EIF5B: variants seen among roughly 807,000 people sequenced by gnomAD.
EIF5B encodes eukaryotic translation initiation factor 5B, also known as eIF-5B.
EIF5B carries 47 observed loss-of-function variants against 147.5 expected under a neutral mutation model. The observed-to-expected ratio is 0.32, with a 90% CI of 0.25 to 0.41. The LOEUF is 0.41. Among genes scored for constraint, EIF5B ranks in the 10% least tolerant of loss-of-function variants. The pLI, the probability that EIF5B is intolerant of heterozygous loss-of-function variation, is 1.00. For synonymous variants in EIF5B, 455 were observed against 456.2 expected, an observed-to-expected ratio of 1.00 and a Z score of 0.03; for missense variants, 1,064 against 1,413.2, an observed-to-expected ratio of 0.75 and a Z score of 3.96.
intron 14 of EIF5B, among the ~76,000 whole-genome samples, chr2:99,384,299 T>G (rs1181893781): frequency 6.6e-6 from 1 of 151,374 alleles, no homozygotes; most frequent in Non-Finnish European, 1.5e-5. Flanking sequence ...GCTGAATATT[T>G]TAAGCCCATT....
At position 99,400,115 on chromosome 2, in the gene EIF5B, A is replaced by G. The variant is rs768692862; in HGVS notation, c.*701A>G. On this transcript the variant is annotated 3_prime_UTR_variant, in exon 24 of 24. Transcript: ENST00000289371. ...ATGTTAGTGTAGCTTCTCTCCCACA[A>G]GTTGTCCTCCTAGGACAAGAATTAT... 2.0e-5 allele frequency: 3 copies of G among 152,248 alleles called. No homozygotes were observed. The highest frequency in any genetic ancestry group is 4.8e-5 in the African/African-American group (2 of 41,454). 9.4% of individuals were successfully genotyped at this position (152,248 alleles called of 1,614,324 possible).
intron 1 of EIF5B, among the ~76,000 whole-genome samples, chr2:99,347,883 G>A (rs548679094): frequency 6.6e-6 from 1 of 152,114 alleles, no homozygotes; most frequent in Non-Finnish European, 1.5e-5. Flanking sequence ...CTGTGATAAA[G>A]TGGCTGTCTG....
intron 10 of EIF5B, 118 bp from the exon 11 acceptor site, chr2:99,378,901 C>A: frequency 4.1e-6 from 3 of 725,574 alleles, no homozygotes; most frequent in Non-Finnish European, 6.3e-6. Context: ...GTAGTCAAAT[C>A]AACAAAGAAC....
chr2:99,385,900 A>G (rs983167648), intron 14 of EIF5B, among the ~76,000 whole-genome samples: 1 of 152,150 alleles, frequency 6.6e-6, no homozygotes, highest in African/African-American at 2.4e-5. Context: ...CCTAAACTCA[A>G]GCTAGTATTG....
chr2:99,385,408 T>C (rs114540389), intron 14 of EIF5B, among the ~76,000 whole-genome samples: 1,966 of 152,296 alleles, frequency 0.013, 44 homozygotes, highest in African/African-American at 0.045. Flanking sequence ...GCTGTCTCTT[T>C]TAAGAAATTG....
At chr2:99,362,076 T>G (rs1222572256) in intron 4 of EIF5B, among the ~76,000 whole-genome samples, 3 of 152,248 alleles carry the variant, frequency 2.0e-5, no homozygotes, top group Non-Finnish European at 4.4e-5. Context: ...GAAAACTATT[T>G]TTTTTGCTGT....
At position 99,399,512 on chromosome 2, in the gene EIF5B, T is replaced by A; in HGVS notation, c.*98T>A. On this transcript the variant is annotated 3_prime_UTR_variant, in exon 24 of 24. Coordinates refer to ENST00000289371, the MANE Select transcript of EIF5B (RefSeq NM_015904.4). ...AAATGGAACAGACGTATTTGGACAC[T>A]GATGGACTTAAGTATGGAAGGAAGA... The A allele has an allele frequency of 9.0e-7, 1 of 1,106,400 alleles. No homozygotes were observed. Among genetic ancestry groups the A allele is most frequent in the Non-Finnish European group, 1.3e-6 (1 of 751,844 alleles). 68.5% of individuals were successfully genotyped at this position (1,106,400 alleles called of 1,614,324 possible). A position where few individuals can be genotyped will look rare whatever the true frequency, so the allele number is the denominator to read the frequency against.
chr2:99,389,027 C>T (rs1360117795), intron 14 of EIF5B, among the ~76,000 whole-genome samples: 1 of 152,090 alleles, frequency 6.6e-6, no homozygotes, highest in African/African-American at 2.4e-5. Flanking sequence ...AGGTGTTGAG[C>T]ATGTTTATAA....
rs1328579006 is a variant in EIF5B at position 99,394,677 on chromosome 2, TG to T, written c.3090-41del. The T allele has an allele frequency of 2.5e-6, 4 of 1,609,370 alleles. No individual in the cohort carries two copies. In the South Asian group the frequency reaches 4.4e-5, roughly 18 times the overall value. ...AAAAACTGTCCTCTGTGACATACTC[TG>T]TTTTTCACTGAATGGTCTTTGATGT... On this transcript the variant is annotated intron_variant, in intron 20 of 23. Coordinates refer to ENST00000289371, the MANE Select transcript of EIF5B (RefSeq NM_015904.4).
At chr2:99,338,993 A>AATATATATATATACAAATATATATAT (rs11272483) in intron 1 of EIF5B, among the ~76,000 whole-genome samples, 2 of 132,728 alleles carry the variant, frequency 1.5e-5, no homozygotes, top group East Asian at 2.2e-4. Context: ...TATATACACA[A>AATATATATATATACAAATATATATAT]ATATATATAT....
intron 1 of EIF5B, among the ~76,000 whole-genome samples, chr2:99,346,185 A>G (rs1030400257): frequency 6.6e-6 from 1 of 152,132 alleles, no homozygotes; most frequent in African/African-American, 2.4e-5. Flanking sequence ...GAGCGTGCAG[A>G]TTGGAAGGAA....
At chr2:99,339,504 G>A (rs2105332208) in intron 1 of EIF5B, among the ~76,000 whole-genome samples, 1 of 151,890 alleles carries the variant, frequency 6.6e-6, no homozygotes, top group East Asian at 1.9e-4. Flanking sequence ...ACACAAATGT[G>A]TTCTTTAGAT....
chr2:99,356,006 C>T (rs1674090536), intron 1 of EIF5B, among the ~76,000 whole-genome samples: 1 of 152,140 alleles, frequency 6.6e-6, no homozygotes, highest in South Asian at 2.1e-4. Context: ...CACCTAGTTT[C>T]TTCTGTTATT....
chr2:99,363,308 G>T (rs1179574279), intron 4 of EIF5B, among the ~76,000 whole-genome samples: 2 of 152,162 alleles, frequency 1.3e-5, no homozygotes, highest in East Asian at 3.8e-4. Context: ...ATAAGCATCT[G>T]TTGGACACCA....
At chr2:99,365,770 T>G (rs1420239923) in intron 6 of EIF5B, among the ~76,000 whole-genome samples, 1 of 152,198 alleles carries the variant, frequency 6.6e-6, no homozygotes, top group Non-Finnish European at 1.5e-5. Context: ...TGTTGTCCAG[T>G]GTTTACCATC....
intron 10 of EIF5B, among the ~76,000 whole-genome samples, chr2:99,377,165 AC>A (rs1327137845): frequency 6.6e-6 from 1 of 152,196 alleles, no homozygotes; most frequent in Non-Finnish European, 1.5e-5. Flanking sequence ...TGTAAATAAT[AC>A]ATTAAAATCT....
At chr2:99,394,676 C>T in intron 20 of EIF5B, 43 bp from the exon 21 acceptor site, 1 of 1,609,212 alleles carries the variant, frequency 6.2e-7, no homozygotes, top group Non-Finnish European at 8.5e-7. Flanking sequence ...GTGACATACT[C>T]TGTTTTTCAC....
chr2:99,371,354 G>A (rs1674443425), intron 8 of EIF5B, among the ~76,000 whole-genome samples: 1 of 152,012 alleles, frequency 6.6e-6, no homozygotes, highest in South Asian at 2.1e-4. Flanking sequence ...TGGCCACGGT[G>A]GCGGGCATCT....
chr2:99,357,511 A>G (rs573874425), intron 1 of EIF5B, among the ~76,000 whole-genome samples: 1 of 152,240 alleles, frequency 6.6e-6, no homozygotes, highest in Admixed American at 6.5e-5. Flanking sequence ...AAAACTGTTC[A>G]TCTTATATTG....
Sources: allele counts gnomAD v4.1 joint callset (sites outside exome capture counted in the v4.1 genomes callset), GRCh38; gene constraint gnomAD v4.1.1; transcripts MANE v1.5; gene names NCBI Gene and HGNC (gene_info 2026-07-23, HGNC 2026-07-21).